The following RGS1 variants were observed in gnomAD, a reference collection of about 807,000 sequenced individuals.
RGS1 encodes regulator of G protein signaling 1.
A neutral mutation model predicts 22.2 loss-of-function variants in RGS1; 11 were observed. The ratio of observed to expected loss-of-function variants is 0.50; its 90% CI spans 0.31 to 0.82. The LOEUF (loss-of-function observed/expected upper bound fraction) is 0.82. RGS1 is among the 40% of genes least tolerant of loss of function. The probability of loss-of-function intolerance (pLI) is 0.04; values close to 1 mark genes in which losing one functional copy is unlikely to be tolerated. For missense variants in RGS1, 255 were observed against 245.8 expected (o/e 1.04, Z -0.25); for synonymous variants, 81 against 79.9 (o/e 1.01, Z -0.07).
rs1662047315 is a variant in RGS1 at position 192,575,838 on chromosome 1, G to A, written c.46G>A (p.Gly16Arg). 2 of 1,613,192 alleles carry A rather than the reference G, an allele frequency of 1.2e-6. No homozygotes were observed. Among genetic ancestry groups the A allele is most frequent in the Admixed American group, 1.7e-5 (1 of 59,920 alleles). ...CACTCCAAAGTTAGACAAAATGCCAGGAATGTTCTTCTCTGCTAACCCAAA... is the reference window on the plus strand; with the variant it reads ...CACTCCAAAGTTAGACAAAATGCCAAGAATGTTCTTCTCTGCTAACCCAAA... ...ISTPKLDKMP[G>R]MFFSANPKEL... The change falls in exon 1 of 5, where the codon GGA becomes AGA. Residue 16 changes from glycine to arginine, a missense_variant. Transcript: ENST00000367459.
intron 1 of RGS1, 75 bp downstream of exon 1, chr1:192,576,004 G>A (rs1305352625): frequency 6.5e-7 from 1 of 1,549,254 alleles, no homozygotes. Context: ...AGAATGAATG[G>A]AAGAGAGTGT....
Position 192,578,358 on chromosome 1 carries a change from A to G in RGS1, c.417A>G (p.Ala139=), listed in dbSNP as rs1443505297. The G allele has an allele frequency of 2.5e-6, 4 of 1,613,032 alleles. No individual in the cohort carries two copies. Among genetic ancestry groups the G allele is most frequent in the African/African-American group, 2.7e-5 (2 of 75,000 alleles). Residue 139 remains alanine, a synonymous_variant, in exon 4 of 5, where the codon GCA becomes GCG. Transcript: ENST00000367459. ...GTAAAGCAGAAGAGATATATAAAGC[A>G]TTTGTGCATTCAGATGCTGCTAAAC... The part of the protein sequence containing the change: ...LPCKAEEIYK[A]FVHSDAAKQI...
In RGS1 at chr1:192,576,302, C is replaced by G; in HGVS notation, c.155C>G (p.Ala52Gly). The G allele has an allele frequency of 4.3e-6, 7 of 1,610,016 alleles. No homozygotes were observed. The highest frequency in any genetic ancestry group is 5.9e-6 in the Non-Finnish European group (7 of 1,176,984). ...TTTTGTAGTGGAATGGATATGAAAGCATACCTGAGATCTATGATCCCACAT... is the reference window on the plus strand; with the variant it reads ...TTTTGTAGTGGAATGGATATGAAAGGATACCTGAGATCTATGATCCCACAT... ...RPKTFGMDMK[A>G]YLRSMIPHLE... Residue 52 changes from alanine to glycine, a missense_variant, in exon 2 of 5, where the codon GCA (alanine) becomes GGA (glycine). Transcript: ENST00000367459.
At chr1:192,578,019 G>A in intron 3 of RGS1, 1 of 598,954 alleles carries the variant, frequency 1.7e-6, no homozygotes, top group Non-Finnish European at 2.8e-6. Context: ...TCTGGCCCCA[G>A]ATTCCTCTTC....
At chr1:192,576,881 A>C in intron 3 of RGS1, 46 bp downstream of exon 3, 1 of 1,511,914 alleles carries the variant, frequency 6.6e-7, no homozygotes, top group Non-Finnish European at 9.2e-7. Flanking sequence ...AAATACTCTA[A>C]AAAATTGAAT....
intron 4 of RGS1, 64 bp downstream of exon 4, chr1:192,578,449 T>A: frequency 6.5e-7 from 1 of 1,548,704 alleles, no homozygotes; most frequent in African/African-American, 1.4e-5. Flanking sequence ...AAATAACATT[T>A]AATATATACA....
intron 1 of RGS1, 75 bp downstream of exon 1, chr1:192,576,004 G>C (rs1305352625): frequency 9.0e-6 from 14 of 1,549,136 alleles, no homozygotes; most frequent in Admixed American, 1.7e-5. Flanking sequence ...AGAATGAATG[G>C]AAGAGAGTGT....
At position 192,578,280 on chromosome 1, in the gene RGS1, G is replaced by A; in HGVS notation, c.339G>A (p.Glu113=). The change falls in exon 4 of 5, where the codon GAG becomes GAA. Residue 113 remains glutamate, a synonymous_variant. Transcript: ENST00000367459. The part of the protein sequence containing the change: ...LKSEFSEENI[E]FWLACEDYKK... The stretch of plus-strand genomic sequence containing the variant: ...CTGAATTCAGTGAGGAGAATATTGA[G>A]TTCTGGCTGGCTTGTGAAGACTATA... 1 of 1,610,512 alleles carries A rather than the reference G, an allele frequency of 6.2e-7. No individual in the cohort carries two copies. The highest frequency in any genetic ancestry group is 2.2e-5 in the East Asian group (1 of 44,616).
In RGS1 at chr1:192,579,608, A is replaced by G. The variant is rs1035494611; in HGVS notation, c.*286A>G. 1.0e-5 allele frequency: 3 copies of G among 300,054 alleles called. No homozygotes were observed. Among genetic ancestry groups the G allele is most frequent in the African/African-American group, 4.4e-5 (2 of 45,494 alleles). The allele number at this position is 300,054 out of a possible 1,614,324, so 18.6% of individuals were successfully genotyped here. A position where few individuals can be genotyped will look rare whatever the true frequency, so the allele number is the denominator to read the frequency against. The stretch of plus-strand genomic sequence containing the variant: ...CCCCTCAGAACTGGGAAGGCCAGGT[A>G]ACTCTAGTTACACAGAAACTGTGAC... On this transcript the variant is annotated 3_prime_UTR_variant, in exon 5 of 5. Coordinates refer to ENST00000367459, the MANE Select transcript of RGS1 (RefSeq NM_002922.4).
rs1470045300 is a variant in RGS1 at position 192,579,212 on chromosome 1, G to A, written c.520G>A (p.Ala174Thr). ...ACCAACCCCCACGTGTTTTGATGAA[G>A]CACAAAAAGTCATATATACTCTTAT... ...KAPTPTCFDEAQKVIYTLMEK... is the reference protein window; with the variant it reads ...KAPTPTCFDETQKVIYTLMEK... The change falls in exon 5 of 5, where the codon GCA becomes ACA. Residue 174 changes from alanine to threonine, a missense_variant. Transcript: ENST00000367459. 1 of 1,613,240 alleles carries A rather than the reference G, an allele frequency of 6.2e-7. No individual in the cohort carries two copies. The highest frequency in any genetic ancestry group is 2.2e-5 in the East Asian group (1 of 44,852).
Position 192,579,130 on chromosome 1 carries a change from T to C in RGS1, c.445-7T>C. On this transcript the variant is annotated splice_polypyrimidine_tract_variant and splice_region_variant and intron_variant, in intron 4 of 4. Coordinates refer to ENST00000367459, the MANE Select transcript of RGS1 (RefSeq NM_002922.4). Reference sequence around the variant, plus strand: ...TATATATTAGCTAACAAGGTTTTCTTTTTTAGATCAATATTGACTTCCGCA... The same window carrying C: ...TATATATTAGCTAACAAGGTTTTCTCTTTTAGATCAATATTGACTTCCGCA... The C allele has an allele frequency of 6.2e-7, 1 of 1,601,336 alleles. No individual in the cohort carries two copies. Among genetic ancestry groups the C allele is most frequent in the Non-Finnish European group, 8.5e-7 (1 of 1,176,436 alleles).
Position 192,576,892 on chromosome 1 carries a change from G to A in RGS1, c.280+57G>A, listed in dbSNP as rs140708687. 7.3e-5 allele frequency: 104 copies of A among 1,426,634 alleles called. No individual in the cohort carries two copies. In the East Asian group the frequency reaches 2.4e-3, roughly 32 times the overall value. The allele number at this position is 1,426,634 out of a possible 1,614,324, so 88.4% of individuals were successfully genotyped here. The stretch of plus-strand genomic sequence containing the variant: ...AGCTAAATACTCTAAAAAATTGAAT[G>A]GCTTCACTAAATATAGTATTCTGGG... On this transcript the variant is annotated intron_variant, in intron 3 of 4. Coordinates refer to ENST00000367459, the MANE Select transcript of RGS1 (RefSeq NM_002922.4).
chr1:192,575,865 G>T lies in RGS1; in HGVS notation c.73G>T (p.Glu25Ter). The change falls in exon 1 of 5, where the codon GAA becomes TAA. Residue 25 changes from glutamate to a stop codon, truncating the protein, a stop_gained. Transcript: ENST00000367459. LOFTEE classifies it high-confidence loss of function. The stretch of plus-strand genomic sequence containing the variant: ...AATGTTCTTCTCTGCTAACCCAAAG[G>T]AATTGAAAGGAACCACTCATTCACT... ...PGMFFSANPK[E>*]LKGTTHSLLD... is the part of the protein sequence containing the mutation. 1 of 1,613,292 alleles carries T rather than the reference G, an allele frequency of 6.2e-7. No individual in the cohort carries two copies. The highest frequency in any genetic ancestry group is 8.5e-7 in the Non-Finnish European group (1 of 1,179,476).
At chr1:192,576,177 A>T in intron 1 of RGS1, 108 bp from the exon 2 acceptor site, 1 of 1,002,686 alleles carries the variant, frequency 1.0e-6, no homozygotes, top group East Asian at 2.6e-5. Flanking sequence ...ATGTTGTATC[A>T]ACCATTTTTA....
chr1:192,578,370 A>G lies in RGS1; in HGVS notation c.429A>G (p.Ser143=), dbSNP rs1662100759. Reference sequence around the variant, plus strand: ...AGATATATAAAGCATTTGTGCATTCAGATGCTGCTAAACAAGTGAGTATTA... The same window carrying G: ...AGATATATAAAGCATTTGTGCATTCGGATGCTGCTAAACAAGTGAGTATTA... ...AEEIYKAFVH[S]DAAKQINIDF... is the part of the protein sequence containing the mutation. Residue 143 remains serine, a synonymous_variant, in exon 4 of 5, where the codon TCA becomes TCG. Transcript: ENST00000367459. The G allele has an allele frequency of 1.2e-6, 2 of 1,612,676 alleles. No homozygotes were observed. The highest frequency in any genetic ancestry group is 3.3e-5 in the Admixed American group (2 of 59,904).
rs372953728 is a variant in RGS1, at chr1:192,579,306, C to T, written c.614C>T (p.Ala205Val). ...IYLNLLNDLQ[A>V]NSLK ...TTAAATCTTCTAAATGACCTGCAGG[C>T]TAATAGCCTAAAGTGACTGGTCCCT... Residue 205 changes from alanine (A) to valine (V), a missense_variant, in exon 5 of 5, where the codon GCT (alanine) becomes GTT (valine). Transcript: ENST00000367459. The T allele has an allele frequency of 1.1e-5, 17 of 1,612,484 alleles. No individual in the cohort carries two copies. Among genetic ancestry groups the T allele is most frequent in the Middle Eastern group, 1.6e-4 (1 of 6,062 alleles).
chr1:192,577,026 T>C, intron 3 of RGS1, 191 bp downstream of exon 3: 1 of 424,784 alleles, frequency 2.4e-6, no homozygotes, highest in Non-Finnish European at 4.1e-6. Flanking sequence ...TGCCAACTCC[T>C]TTTAGACAAA....
intron 3 of RGS1, chr1:192,577,075 G>T: frequency 2.6e-6 from 1 of 381,336 alleles, no homozygotes; most frequent in Non-Finnish European, 4.7e-6. Context: ...GATCATTATG[G>T]AGATAAAATT....
At chr1:192,576,243 A>T (rs1662057762) in intron 1 of RGS1, 42 bp from the exon 2 acceptor site, 1 of 1,404,692 alleles carries the variant, frequency 7.1e-7, no homozygotes, top group African/African-American at 1.4e-5. Flanking sequence ...AATAAAATGA[A>T]TTCTGAAGAA....
Sources: gnomAD v4.1 joint callset for allele counts on GRCh38, gnomAD v4.1.1 for gene constraint, MANE v1.5 for transcripts, NCBI Gene and HGNC (gene_info 2026-07-23, HGNC 2026-07-21) for gene names.